JAZF1: variants seen among roughly 807,000 people sequenced by gnomAD.
The protein encoded by JAZF1 is JAZF zinc finger 1, also known as juxtaposed with another zinc finger protein 1.
Under a neutral mutation model 26.4 loss-of-function variants are expected in JAZF1, and 8 were observed. The observed-to-expected ratio is 0.30, with a 90% CI of 0.18 to 0.55. The LOEUF is 0.55. Ranked by LOEUF, JAZF1 falls within the 20% of genes least tolerant of loss-of-function variation. The pLI is 0.94. For missense variants in JAZF1, 199 were observed against 322.0 expected (o/e 0.62, Z 2.92); for synonymous variants, 126 against 122.3 (o/e 1.03, Z -0.20).
At chr7:27,847,300 GTTTA>G (rs773964300) in intron 3 of JAZF1, among the ~76,000 whole-genome samples, 3 of 151,450 alleles carry the variant, frequency 2.0e-5, no homozygotes, top group African/African-American at 4.9e-5. Flanking sequence ...ATGCAGTCTC[GTTTA>G]TTTATTTTTG....
Position 27,832,021 on chromosome 7 carries a change from T to C in JAZF1, c.*779A>G, listed in dbSNP as rs1182623128. 4.6e-6 allele frequency: 1 copy of C among 216,558 alleles called. No individual in the cohort carries two copies. The highest frequency in any genetic ancestry group is 2.3e-5 in the African/African-American group (1 of 44,418). The allele number at this position is 216,558 out of a possible 1,614,324, so 13.4% of individuals were successfully genotyped here. A position where few individuals can be genotyped will look rare whatever the true frequency, so the allele number is the denominator to read the frequency against. On this transcript the variant is annotated 3_prime_UTR_variant, in exon 5 of 5. Coordinates refer to ENST00000283928, the MANE Select transcript of JAZF1 (RefSeq NM_175061.4). ...AAATGGGTATCTTGGTCCGCAGATA[T>C]CAATAGGCATAAATTGAATCCCTTG...
chr7:28,112,202 C>G (rs192163625), intron 1 of JAZF1, among the ~76,000 whole-genome samples: 1 of 152,170 alleles, frequency 6.6e-6, no homozygotes, highest in Non-Finnish European at 1.5e-5. Context: ...ACCTTAGTGG[C>G]CTCCAAATTG....
chr7:28,158,835 A>G (rs1489765532), intron 1 of JAZF1, among the ~76,000 whole-genome samples: 1 of 152,164 alleles, frequency 6.6e-6, no homozygotes, highest in African/African-American at 2.4e-5. Context: ...GACTGGGCTT[A>G]ATGATGTCGA....
chr7:27,879,481 C>T (rs936038887), intron 3 of JAZF1, among the ~76,000 whole-genome samples: 1 of 152,110 alleles, frequency 6.6e-6, no homozygotes, highest in African/African-American at 2.4e-5. Context: ...AACAGGTATG[C>T]AGAACTGATA....
chr7:28,020,936 T>C (rs984902085), intron 1 of JAZF1: 1 of 317,020 alleles, frequency 3.2e-6, no homozygotes, highest in African/African-American at 2.2e-5. Context: ...AGTAACCTGG[T>C]TCTTTGGAAT....
intron 1 of JAZF1, among the ~76,000 whole-genome samples, chr7:28,050,518 A>AT (rs1783594844): frequency 6.6e-6 from 1 of 152,202 alleles, no homozygotes; most frequent in African/African-American, 2.4e-5. Flanking sequence ...AACAGTTATA[A>AT]AGAATAGTAT....
intron 1 of JAZF1, among the ~76,000 whole-genome samples, chr7:28,082,385 C>T (rs748137797): frequency 3.9e-5 from 6 of 152,296 alleles, no homozygotes; most frequent in Admixed American, 6.5e-5. Context: ...CGCCTCTGCC[C>T]GTTCACTCTA....
chr7:27,936,496 C>T (rs1368191540), intron 2 of JAZF1, among the ~76,000 whole-genome samples: 1 of 152,140 alleles, frequency 6.6e-6, no homozygotes, highest in Non-Finnish European at 1.5e-5. Context: ...AAAATGTGGC[C>T]TTACTGCTAC....
At chr7:27,980,485 C>T (rs1785561403) in intron 2 of JAZF1, among the ~76,000 whole-genome samples, 1 of 151,890 alleles carries the variant, frequency 6.6e-6, no homozygotes, top group Non-Finnish European at 1.5e-5. Flanking sequence ...TAAGTGTTTT[C>T]TTCTTTTTTT....
rs184835530 is a variant in JAZF1 at position 28,051,086 on chromosome 7, C to A, written c.116-59105G>T. On this transcript the variant is annotated intron_variant, in intron 1 of 4. Transcript: ENST00000283928. The stretch of plus-strand genomic sequence containing the variant: ...GGTGGAGGTTGCAGTCAGCCAAGAT[C>A]GCACCATTGCACTCCAGCCCAGGCG... Among the ~76,000 whole-genome samples the A allele has an allele frequency of 1.3e-4, 18 of 141,384 alleles. No homozygotes were observed. The East Asian group carries it at 3.2e-3, about 25-fold the overall frequency. The allele number at this position is 141,384 out of a possible 152,430, so 92.8% of individuals were successfully genotyped here.
intron 3 of JAZF1, among the ~76,000 whole-genome samples, chr7:27,888,891 C>T (rs757871360): frequency 3.3e-5 from 5 of 152,148 alleles, no homozygotes; most frequent in African/African-American, 4.8e-5. Flanking sequence ...AGTAACTATG[C>T]GATGCTATTA....
chr7:27,999,547 T>C (rs995947030), intron 1 of JAZF1, among the ~76,000 whole-genome samples: 3 of 152,204 alleles, frequency 2.0e-5, no homozygotes, highest in African/African-American at 7.2e-5. Flanking sequence ...CTAACATTGT[T>C]TGCCCAAGGA....
intron 1 of JAZF1, among the ~76,000 whole-genome samples, chr7:28,044,356 A>T (rs975380534): frequency 6.6e-6 from 1 of 152,184 alleles, no homozygotes; most frequent in Non-Finnish European, 1.5e-5. Context: ...GCAAAATGGG[A>T]ACTGCATGAA....
At chr7:27,869,932 G>A (rs1054697253) in intron 3 of JAZF1, among the ~76,000 whole-genome samples, 9 of 152,158 alleles carry the variant, frequency 5.9e-5, no homozygotes, top group African/African-American at 1.9e-4. Context: ...ATGGAATCTC[G>A]CTCTGTTGCT....
At chr7:27,976,558 A>G (rs76232118) in intron 2 of JAZF1, among the ~76,000 whole-genome samples, 2,623 of 152,208 alleles carry the variant, frequency 0.017, 69 homozygotes, top group African/African-American at 0.058. Flanking sequence ...TATGGCATGT[A>G]TCAGGCCACA....
At chr7:28,033,484 G>A (rs568090537) in intron 1 of JAZF1, among the ~76,000 whole-genome samples, 17 of 152,224 alleles carry the variant, frequency 1.1e-4, no homozygotes, top group Middle Eastern at 3.4e-3. Context: ...AGTTATTTGG[G>A]GAGTAAAACC....
intron 2 of JAZF1, 29 bp from the exon 3 acceptor site, chr7:27,895,445 TG>T: frequency 6.5e-7 from 1 of 1,540,402 alleles, no homozygotes; most frequent in Non-Finnish European, 8.8e-7. Flanking sequence ...GTAAGGAACC[TG>T]GGCCATGTAT....
chr7:27,926,861 A>C (rs1048678775), intron 2 of JAZF1, among the ~76,000 whole-genome samples: 2 of 152,208 alleles, frequency 1.3e-5, no homozygotes, highest in Non-Finnish European at 2.9e-5. Context: ...GAGGCAACAA[A>C]GAGGTAAGGT....
chr7:28,178,967 A>C (rs1214602452), intron 1 of JAZF1, among the ~76,000 whole-genome samples: 2 of 152,234 alleles, frequency 1.3e-5, no homozygotes, highest in Non-Finnish European at 2.9e-5. Flanking sequence ...ACAGGCATTC[A>C]ACACTTATTA....
Sources: allele counts gnomAD v4.1 joint callset (sites outside exome capture counted in the v4.1 genomes callset), GRCh38; gene constraint gnomAD v4.1.1; transcripts MANE v1.5; gene names NCBI Gene and HGNC (gene_info 2026-07-23, HGNC 2026-07-21).